The following PPIL2 variants were observed in gnomAD, a reference collection of about 807,000 sequenced individuals.
PPIL2 encodes the protein RING-type E3 ubiquitin-protein ligase PPIL2.
PPIL2 carries 50 observed loss-of-function variants against 75.2 expected under a neutral mutation model. That is an observed-to-expected ratio of 0.66 (90% CI 0.53 to 0.84). The LOEUF is 0.84. Among genes scored for constraint, PPIL2 ranks in the 40% least tolerant of loss-of-function variants. The pLI is 0.00. For missense variants in PPIL2, 590 were observed against 685.0 expected (o/e 0.86, Z 1.55); for synonymous variants, 245 against 258.8 (o/e 0.95, Z 0.51).
intron 16 of PPIL2, among the ~76,000 whole-genome samples, chr22:21,694,330 C>T (rs998883078): frequency 2.6e-5 from 4 of 151,964 alleles, no homozygotes; most frequent in Admixed American, 1.3e-4. Flanking sequence ...GCACAAGCCA[C>T]GTTTTGTGAC....
intron 15 of PPIL2, among the ~76,000 whole-genome samples, chr22:21,692,333 T>G (rs1160315398): frequency 1.3e-5 from 2 of 151,660 alleles, no homozygotes; most frequent in Non-Finnish European, 2.9e-5. Flanking sequence ...TTTTTGTATT[T>G]TTAGTAGAGA....
chr22:21,687,101 A>G, intron 12 of PPIL2, 103 bp downstream of exon 12: 3 of 1,136,966 alleles, frequency 2.6e-6, no homozygotes, highest in Non-Finnish European at 3.9e-6. Flanking sequence ...TGCTTGTTGT[A>G]GGAAATTCAG....
chr22:21,696,786 A>G lies in PPIL2; in HGVS notation c.*1296A>G. ...TACCTCTGCCCTTCCTTTTCTCATC[A>G]ATCACTGATGCTGAAGCTGCAGGCC... On this transcript the variant is annotated 3_prime_UTR_variant, in exon 20 of 20. Coordinates refer to ENST00000398831, the MANE Select transcript of PPIL2 (RefSeq NM_014337.4). The G allele has an allele frequency of 6.5e-7, 1 of 1,548,158 alleles. No individual in the cohort carries two copies. Among genetic ancestry groups the G allele is most frequent in the Non-Finnish European group, 8.7e-7 (1 of 1,147,246 alleles).
intron 8 of PPIL2, 65 bp downstream of exon 8, chr22:21,682,591 A>C: frequency 8.3e-7 from 1 of 1,207,974 alleles, no homozygotes; most frequent in Non-Finnish European, 1.2e-6. Flanking sequence ...AGGCCTCTAC[A>C]GGGCCCTACC....
intron 5 of PPIL2, among the ~76,000 whole-genome samples, 156 bp from the exon 6 acceptor site, chr22:21,674,908 C>T (rs947562763): frequency 1.3e-5 from 2 of 152,186 alleles, no homozygotes; most frequent in Admixed American, 1.3e-4. Flanking sequence ...CTGCAGCCCC[C>T]GTGAGGTCCT....
intron 5 of PPIL2, 72 bp downstream of exon 5, chr22:21,672,453 G>A: frequency 6.9e-7 from 1 of 1,458,546 alleles, no homozygotes; most frequent in Non-Finnish European, 9.6e-7. Context: ...TGTTCTGGTG[G>A]TTTTCATGAA....
intron 6 of PPIL2, among the ~76,000 whole-genome samples, chr22:21,675,320 G>A (rs1021301323): frequency 6.6e-6 from 1 of 152,204 alleles, no homozygotes; most frequent in Non-Finnish European, 1.5e-5. Flanking sequence ...GATGGTTCAC[G>A]AGGTCAAGAG....
At chr22:21,681,422 G>C in intron 7 of PPIL2, 32 bp downstream of exon 7, 1 of 1,549,586 alleles carries the variant, frequency 6.5e-7, no homozygotes, top group Non-Finnish European at 8.9e-7. Flanking sequence ...TGGAGACAGC[G>C]GTGGGGAGAT....
intron 13 of PPIL2, 147 bp from the exon 14 acceptor site, chr22:21,687,926 A>G: frequency 8.5e-7 from 1 of 1,170,248 alleles, no homozygotes; most frequent in Non-Finnish European, 1.2e-6. Context: ...GGGTTCACAA[A>G]GGGAGGTGGC....
At chr22:21,684,965 C>A in intron 10 of PPIL2, 52 bp downstream of exon 10, 1 of 1,600,562 alleles carries the variant, frequency 6.2e-7, no homozygotes, top group Non-Finnish European at 8.5e-7. Flanking sequence ...TCCTGCCCAT[C>A]TCATGGCCTC....
chr22:21,681,341 A>G lies in PPIL2; in HGVS notation c.338A>G (p.Asn113Ser). 1.2e-6 allele frequency: 2 copies of G among 1,614,148 alleles called. No individual in the cohort carries two copies. The highest frequency in any genetic ancestry group is 1.7e-6 in the Non-Finnish European group (2 of 1,179,992). ...GTGCTGTTTACCGTGTTCACCAACA[A>G]CACCCACATCGTGGCTGTGAGGACG... ...CPVLFTVFTN[N>S]THIVAVRTTG... Residue 113 changes from asparagine (N) to serine (S), a missense_variant, in exon 7 of 20, where the codon AAC becomes AGC. Physicochemically the swap from Asn to Ser is conservative, Grantham distance 46. Coordinates refer to ENST00000398831, the MANE Select transcript of PPIL2 (RefSeq NM_014337.4).
intron 14 of PPIL2, 86 bp downstream of exon 14, chr22:21,688,192 C>A (rs2067459823): frequency 6.5e-7 from 1 of 1,532,462 alleles, no homozygotes; most frequent in Admixed American, 1.7e-5. Flanking sequence ...TTGTGCACAG[C>A]TCAGACATGG....
intron 4 of PPIL2, among the ~76,000 whole-genome samples, chr22:21,671,972 G>C (rs2066650688): frequency 6.6e-6 from 1 of 152,086 alleles, no homozygotes; most frequent in Non-Finnish European, 1.5e-5. Context: ...GATCGCTTGA[G>C]CCCAGGGGTT....
chr22:21,669,340 A>G (rs945130810), intron 1 of PPIL2: 4 of 451,228 alleles, frequency 8.9e-6, no homozygotes, highest in African/African-American at 8.1e-5. Flanking sequence ...GTAGAGACAG[A>G]TTCTCGCTTT....
At chr22:21,693,115 T>C (rs894232994) in intron 15 of PPIL2, among the ~76,000 whole-genome samples, 10 of 152,034 alleles carry the variant, frequency 6.6e-5, no homozygotes, top group Non-Finnish European at 1.3e-4. Context: ...TGGTGTGATC[T>C]CAGCTTACTG....
chr22:21,668,729 TGA>T (rs2066495438), intron 1 of PPIL2, among the ~76,000 whole-genome samples: 1 of 125,276 alleles, frequency 8.0e-6, no homozygotes, highest in Non-Finnish European at 1.7e-5. Flanking sequence ...TTTTTTTTTT[TGA>T]GACGGAGTCT....
At chr22:21,693,295 G>A (rs2067764389) in intron 15 of PPIL2, among the ~76,000 whole-genome samples, 2 of 152,016 alleles carry the variant, frequency 1.3e-5, no homozygotes, top group African/African-American at 4.8e-5. Flanking sequence ...TGATCTACCT[G>A]CCTTGGCCTC....
chr22:21,670,118 A>C (rs1019068458), intron 2 of PPIL2, 156 bp downstream of exon 2: 6 of 895,996 alleles, frequency 6.7e-6, no homozygotes, highest in Non-Finnish European at 6.8e-6. Context: ...AAATATACTC[A>C]AGATAGAAGA....
At position 21,669,901 on chromosome 22, in the gene PPIL2, T is replaced by G. The variant is rs2066563554; in HGVS notation, c.33-12T>G. On this transcript the variant is annotated splice_polypyrimidine_tract_variant and intron_variant, in intron 1 of 19. Transcript: ENST00000398831. ...GGTGGTGGTGGTAGCATTATCTTCC[T>G]CTCTTCTTCAGGTACATTACCTGTG... The G allele has an allele frequency of 1.2e-6, 2 of 1,612,846 alleles. No individual in the cohort carries two copies. Among genetic ancestry groups the G allele is most frequent in the Non-Finnish European group, 1.7e-6 (2 of 1,178,906 alleles).
Sources: gnomAD v4.1 joint callset for allele counts (sites outside exome capture counted in the v4.1 genomes callset) on GRCh38, gnomAD v4.1.1 for gene constraint, MANE v1.5 for transcripts, NCBI Gene and HGNC (gene_info 2026-07-23, HGNC 2026-07-21) for gene names.